Variants in NINJ2 observed in about 807,000 individuals in gnomAD.
NINJ2 encodes the protein ninjurin-2.
A neutral mutation model predicts 11.7 loss-of-function variants in NINJ2; 12 were observed. The observed-to-expected ratio is 1.02, with a 90% confidence interval of 0.66 to 1.66. The LOEUF (loss-of-function observed/expected upper bound fraction) is 1.66. Among genes scored for constraint, NINJ2 ranks in the 40% most tolerant of loss-of-function variants. The pLI is 0.00. For missense variants in NINJ2, 187 were observed against 181.8 expected, an observed-to-expected ratio of 1.03 and a Z score of -0.16; for synonymous variants, 93 against 76.8, an observed-to-expected ratio of 1.21 and a Z score of -1.10.
intron 1 of NINJ2, among the ~76,000 whole-genome samples, chr12:601,926 TAG>T (rs1358600742): frequency 3.9e-5 from 6 of 151,922 alleles, no homozygotes; most frequent in African/African-American, 1.2e-4. Context: ...AATAAGAGAG[TAG>T]AGTCTGACCC....
At chr12:634,863 T>C (rs763865788) in intron 1 of NINJ2, among the ~76,000 whole-genome samples, 3 of 152,182 alleles carry the variant, frequency 2.0e-5, no homozygotes, top group Non-Finnish European at 2.9e-5. Flanking sequence ...ATTCTCTTTC[T>C]CTTTGAGGGA....
chr12:583,376 T>C (rs1947586217), intron 1 of NINJ2, among the ~76,000 whole-genome samples: 1 of 152,352 alleles, frequency 6.6e-6, no homozygotes, highest in Admixed American at 6.5e-5. Context: ...TCACCCTCTT[T>C]CTAAAAATAC....
At chr12:570,284 A>G (rs1159846776) in intron 1 of NINJ2, among the ~76,000 whole-genome samples, 2 of 152,212 alleles carry the variant, frequency 1.3e-5, no homozygotes, top group African/African-American at 2.4e-5. Flanking sequence ...CAGCATCTTT[A>G]AAAGCAGGGA....
intron 1 of NINJ2, among the ~76,000 whole-genome samples, chr12:594,565 AT>A (rs1010930174): frequency 2.0e-5 from 3 of 152,198 alleles, no homozygotes; most frequent in Admixed American, 1.3e-4. Flanking sequence ...AGGTGGGTGA[AT>A]CACTTGAGTC....
At chr12:627,618 C>T (rs1039527662) in intron 1 of NINJ2, among the ~76,000 whole-genome samples, 4 of 152,238 alleles carry the variant, frequency 2.6e-5, no homozygotes, top group African/African-American at 7.2e-5. Context: ...TTCGTGGGTA[C>T]AGCTGCAGCA....
chr12:571,216 C>T (rs944886366), intron 1 of NINJ2, among the ~76,000 whole-genome samples: 4 of 152,200 alleles, frequency 2.6e-5, no homozygotes, highest in South Asian at 2.1e-4. Context: ...CCTGGACAGA[C>T]GGGGAGTTTG....
chr12:610,405 C>G (rs1243776266), intron 1 of NINJ2: 2 of 1,535,444 alleles, frequency 1.3e-6, no homozygotes, highest in African/African-American at 2.7e-5. Context: ...CTTGCCCCAC[C>G]AAGCAATTAC....
intron 1 of NINJ2, among the ~76,000 whole-genome samples, chr12:608,204 T>C (rs971505168): frequency 6.6e-6 from 1 of 152,200 alleles, no homozygotes; most frequent in African/African-American, 2.4e-5. Flanking sequence ...AGAATTTATA[T>C]GCTAGAGTCC....
intron 1 of NINJ2, among the ~76,000 whole-genome samples, chr12:662,368 T>A (rs1937969102): frequency 6.6e-6 from 1 of 151,566 alleles, no homozygotes; most frequent in South Asian, 2.1e-4. Context: ...ACAGAGACTC[T>A]GCCAGACTCA....
chr12:662,964 T>TG (rs1420551273), intron 1 of NINJ2, among the ~76,000 whole-genome samples: 6 of 51,738 alleles, frequency 1.2e-4, no homozygotes, highest in Admixed American at 1.1e-3. Context: ...ATTTCCTGTC[T>TG]CCCCGGCAGC....
chr12:567,318 C>A (rs2369283), intron 1 of NINJ2, among the ~76,000 whole-genome samples: 51,250 of 151,530 alleles, frequency 0.34, 8,848 homozygotes, highest in East Asian at 0.59. Context: ...ATACCTGCTG[C>A]GTGGGGACAG....
chr12:598,038 T>C (rs1947812946), intron 1 of NINJ2, among the ~76,000 whole-genome samples: 1 of 152,222 alleles, frequency 6.6e-6, no homozygotes, highest in Admixed American at 6.5e-5. Flanking sequence ...GAAAGCTTGG[T>C]CTCTCGTATA....
chr12:583,802 G>A (rs922025023), intron 1 of NINJ2, among the ~76,000 whole-genome samples: 7 of 152,184 alleles, frequency 4.6e-5, no homozygotes, highest in South Asian at 2.1e-4. Context: ...CAGCGGAGTC[G>A]AGACCTGGCC....
intron 1 of NINJ2, among the ~76,000 whole-genome samples, chr12:570,199 A>T (rs2535413): frequency 6.6e-6 from 1 of 151,538 alleles, no homozygotes; most frequent in Non-Finnish European, 1.5e-5. Context: ...CACAACCTGC[A>T]GCCGAGGGGA....
At chr12:659,642 C>T (rs893581371) in intron 1 of NINJ2, among the ~76,000 whole-genome samples, 5 of 152,188 alleles carry the variant, frequency 3.3e-5, no homozygotes, top group African/African-American at 1.2e-4. Context: ...GAGTGCTGTG[C>T]GCCACTCTTC....
chr12:621,983 C>T (rs1001281075), intron 1 of NINJ2, among the ~76,000 whole-genome samples: 67 of 151,724 alleles, frequency 4.4e-4, no homozygotes, highest in African/African-American at 1.6e-3. Context: ...ATTAGCCAGG[C>T]ATGGTGGCAG....
Position 610,629 on chromosome 12 carries a change from T to C in NINJ2, c.34-44451A>G, listed in dbSNP as rs1282490991. Reference sequence around the variant, plus strand: ...CAGGAGGGGGTTACCAGGCAGGGACTTAATATGTGGCTCTAGAGTCTGAAG... The same window carrying C: ...CAGGAGGGGGTTACCAGGCAGGGACCTAATATGTGGCTCTAGAGTCTGAAG... On this transcript the variant is annotated intron_variant, in intron 1 of 3. Transcript: ENST00000305108. 1.4e-5 allele frequency: 14 copies of C among 985,206 alleles called. No individual in the cohort carries two copies. In the South Asian group the frequency reaches 6.1e-4, roughly 43 times the overall value. 61.0% of individuals were successfully genotyped at this position (985,206 alleles called of 1,614,324 possible).
Position 634,265 on chromosome 12 carries a change from C to CTTTTT in NINJ2, c.33+29058_33+29062dup, listed in dbSNP as rs67797144. ...AAATAAATGTTGATTAGTTGCAGTT[C>CTTTTT]TTTTTTTTTTTTTTTTTTTTTTTTT... On this transcript the variant is annotated intron_variant, in intron 1 of 3. Coordinates refer to ENST00000305108, the MANE Select transcript of NINJ2 (RefSeq NM_016533.6). Among the ~76,000 whole-genome samples, 77 of 59,530 alleles carry CTTTTT rather than the reference C, an allele frequency of 1.3e-3. 2 individuals carry two copies. The highest frequency in any genetic ancestry group is 5.1e-3 in the East Asian group (6 of 1,174). 39.1% of individuals were successfully genotyped at this position (59,530 alleles called of 152,430 possible). A position where few individuals can be genotyped will look rare whatever the true frequency, so the allele number is the denominator to read the frequency against.
intron 1 of NINJ2, among the ~76,000 whole-genome samples, chr12:608,479 C>T (rs537364867): frequency 6.6e-6 from 1 of 152,360 alleles, no homozygotes; most frequent in East Asian, 1.9e-4. Flanking sequence ...TTGCAGTCCT[C>T]ATTTTACAGA....
Sources: allele counts gnomAD v4.1 joint callset (sites outside exome capture counted in the v4.1 genomes callset), GRCh38; gene constraint gnomAD v4.1.1; transcripts MANE v1.5; gene names NCBI Gene and HGNC (gene_info 2026-07-23, HGNC 2026-07-21).